The following MGAM2 variants were observed in gnomAD, a reference collection of about 807,000 sequenced individuals.
The protein encoded by MGAM2 is maltase-glucoamylase 2 (putative).
In MGAM2, 98 loss-of-function variants were observed where a neutral mutation model predicts 96.1. That is an observed-to-expected ratio of 1.02 (90% confidence interval 0.87 to 1.21). The LOEUF is 1.21. MGAM2 is among the 50% of genes most tolerant of loss of function. MGAM2 has a pLI of 0.00. For missense variants in MGAM2, 2,055 were observed against 1,182.4 expected (o/e 1.74, Z -10.82); for synonymous variants, 749 against 414.8 (o/e 1.81, Z -9.79).
chr7:142,131,213 G>A (rs1478411531), intron 4 of MGAM2, 142 bp downstream of exon 4: 1 of 616,822 alleles, frequency 1.6e-6, no homozygotes, highest in East Asian at 2.7e-5. Flanking sequence ...GCTGACGTGG[G>A]TGGATCATGA....
chr7:142,134,456 G>T (rs190579265), intron 7 of MGAM2, among the ~76,000 whole-genome samples: 82 of 152,192 alleles, frequency 5.4e-4, no homozygotes, highest in African/African-American at 1.8e-3. Context: ...AAATTACTAT[G>T]TCTTGGTTTA....
chr7:142,156,929 G>A (rs1795752846), intron 17 of MGAM2, among the ~76,000 whole-genome samples: 1 of 152,030 alleles, frequency 6.6e-6, no homozygotes, highest in South Asian at 2.1e-4. Flanking sequence ...TCATCTCTGG[G>A]TCCATGGAAA....
At chr7:142,202,546 C>T (rs1265061112) in intron 45 of MGAM2, among the ~76,000 whole-genome samples, 1 of 152,128 alleles carries the variant, frequency 6.6e-6, no homozygotes, top group Non-Finnish European at 1.5e-5. Context: ...TCAGCTCCCA[C>T]TTATAAGTAA....
intron 1 of MGAM2, among the ~76,000 whole-genome samples, chr7:142,113,851 G>A (rs982990850): frequency 6.6e-6 from 1 of 152,170 alleles, no homozygotes; most frequent in Admixed American, 6.5e-5. Context: ...ATGAAATAGG[G>A]CTGAGCGTGG....
chr7:142,166,601 A>G (rs1257318542), intron 25 of MGAM2, among the ~76,000 whole-genome samples: 1 of 152,198 alleles, frequency 6.6e-6, no homozygotes. Context: ...TTTGAACAAC[A>G]GAGAAAATGG....
At chr7:142,188,076 G>A (rs138395160) in intron 36 of MGAM2, among the ~76,000 whole-genome samples, 22 of 146,660 alleles carry the variant, frequency 1.5e-4, no homozygotes, top group African/African-American at 5.1e-4. Context: ...TGATAACTAT[G>A]AACAGATTGC....
At chr7:142,176,050 T>C (rs899817045) in intron 32 of MGAM2, among the ~76,000 whole-genome samples, 1 of 151,416 alleles carries the variant, frequency 6.6e-6, no homozygotes, top group African/African-American at 2.4e-5. Flanking sequence ...ATTATTATTC[T>C]CTTGGTAAAG....
At chr7:142,185,013 G>T (rs993426736) in intron 33 of MGAM2, 64 bp from the exon 34 acceptor site, 1 of 688,074 alleles carries the variant, frequency 1.5e-6, no homozygotes, top group Non-Finnish European at 2.7e-6. Context: ...TCTAACACAT[G>T]AAATATCTCA....
rs932918154 is a variant in MGAM2 at position 142,148,122 on chromosome 7, A to G, written c.1634+549A>G. Among the ~76,000 whole-genome samples, 1 of 151,542 alleles carries G rather than the reference A, an allele frequency of 6.6e-6. No homozygotes were observed. Among genetic ancestry groups the G allele is most frequent in the Non-Finnish European group, 1.5e-5 (1 of 67,818 alleles). ...ACATGCACACACACGTGCACACACA[A>G]CTATCACCATCACCACCACCATTAC... On this transcript the variant is annotated intron_variant, in intron 15 of 47. Coordinates refer to ENST00000477922, the MANE Select transcript of MGAM2 (RefSeq NM_001293626.2). This position sits in a 1 kb window ranked among gnomAD's most constrained non-coding sequence, Gnocchi z 4.2.
intron 20 of MGAM2, among the ~76,000 whole-genome samples, chr7:142,159,758 T>C (rs1795834613): frequency 6.6e-6 from 1 of 152,138 alleles, no homozygotes. Flanking sequence ...TACACCAGCA[T>C]TCAGACCATA....
rs1376078619 is a variant in MGAM2 at position 142,220,333 on chromosome 7, C to T, written c.5822C>T (p.Thr1941Ile). The T allele has an allele frequency of 1.1e-5, 8 of 702,658 alleles. No individual in the cohort carries two copies. In the East Asian group the frequency reaches 2.1e-4, roughly 19 times the overall value. 43.5% of individuals were successfully genotyped at this position (702,658 alleles called of 1,614,324 possible). A position where few individuals can be genotyped will look rare whatever the true frequency, so the allele number is the denominator to read the frequency against. Residue 1941 changes from threonine (T) to isoleucine (I), a missense_variant, in exon 48 of 48, where the codon ACC (threonine) becomes ATC (isoleucine). By Grantham distance (89) the Thr-to-Ile change is moderately conservative. Coordinates refer to ENST00000477922, the MANE Select transcript of MGAM2 (RefSeq NM_001293626.2). ...ASTNATVPIT[T>I]TCFATSTIGV... ...ACTAATGCTACTGTTCCTATCACAA[C>T]CACATGTTTTGCAACAAGTACTATT...
rs756880129 is a variant in MGAM2 at position 142,172,713 on chromosome 7, C to T, written c.3510C>T (p.Phe1170=). The change falls in exon 30 of 48, where the codon TTC becomes TTT. Residue 1170 remains phenylalanine (F), a synonymous_variant. Coordinates refer to ENST00000477922, the MANE Select transcript of MGAM2 (RefSeq NM_001293626.2). ...GCACCACAGGAGGGATTTTGGACTT[C>T]TACATTGTTTTGGGGCCAACCCCTG... ...TYRTTGGILD[F]YIVLGPTPEL... The T allele has an allele frequency of 1.4e-6, 1 of 704,740 alleles. No individual in the cohort carries two copies. The highest frequency in any genetic ancestry group is 2.0e-5 in the Admixed American group (1 of 50,060). The allele number at this position is 704,740 out of a possible 1,614,324, so 43.7% of individuals were successfully genotyped here. A position where few individuals can be genotyped will look rare whatever the true frequency, so the allele number is the denominator to read the frequency against.
intron 2 of MGAM2, among the ~76,000 whole-genome samples, chr7:142,119,599 G>A (rs1400072590): frequency 1.3e-5 from 2 of 152,058 alleles, no homozygotes; most frequent in Non-Finnish European, 2.9e-5. Context: ...AAACTTACGC[G>A]AATGCTCATA....
At chr7:142,159,765 C>T (rs1027202121) in intron 20 of MGAM2, among the ~76,000 whole-genome samples, 3 of 152,118 alleles carry the variant, frequency 2.0e-5, no homozygotes, top group Non-Finnish European at 4.4e-5. Flanking sequence ...GCATTCAGAC[C>T]ATAGCAGAAG....
intron 14 of MGAM2, among the ~76,000 whole-genome samples, chr7:142,145,433 C>G (rs575158094): frequency 2.0e-5 from 3 of 151,872 alleles, no homozygotes; most frequent in Non-Finnish European, 4.4e-5. Flanking sequence ...TCTCTCTGAT[C>G]ATTTACAACA....
At chr7:142,171,685 ATTTCCCTCTGTCAG>A (rs1796198151) in intron 28 of MGAM2, among the ~76,000 whole-genome samples, 1 of 135,462 alleles carries the variant, frequency 7.4e-6, no homozygotes, top group East Asian at 2.2e-4. Flanking sequence ...ATATGTATAT[ATTTCCCTCTGTCAG>A]TTATGGATTT....
At position 142,194,497 on chromosome 7, in the gene MGAM2, C is replaced by G. The variant is rs114579260; in HGVS notation, c.4347-1657C>G. The stretch of plus-strand genomic sequence containing the variant: ...AGGCCTTCATTATCTCTCATCTAGA[C>G]TGTTATAAAAATCTAAGCTATCCTC... On this transcript the variant is annotated intron_variant, in intron 37 of 47. Transcript: ENST00000477922. Among the ~76,000 whole-genome samples, 1,347 of 151,438 alleles carry G rather than the reference C, an allele frequency of 8.9e-3. 20 individuals carry two copies. Among genetic ancestry groups the G allele is most frequent in the African/African-American group, 0.031 (1,287 of 41,238 alleles).
At chr7:142,140,019 G>A (rs1327545056) in intron 10 of MGAM2, among the ~76,000 whole-genome samples, 1 of 152,162 alleles carries the variant, frequency 6.6e-6, no homozygotes, top group African/African-American at 2.4e-5. Flanking sequence ...TGGGCAACAG[G>A]CCATAAGCCA....
intron 23 of MGAM2, among the ~76,000 whole-genome samples, chr7:142,162,707 A>G (rs1795924534): frequency 6.6e-6 from 1 of 151,468 alleles, no homozygotes; most frequent in Non-Finnish European, 1.5e-5. Flanking sequence ...TATAAAAAAT[A>G]TATATCTTAA....
Sources: gnomAD v4.1 joint callset for allele counts (sites outside exome capture counted in the v4.1 genomes callset) on GRCh38, gnomAD v4.1.1 for gene constraint, Gnocchi (gnomAD v3.1) non-coding constraint, MANE v1.5 for transcripts, NCBI Gene and HGNC (gene_info 2026-07-23, HGNC 2026-07-21) for gene names.